The following VPS50 variants were observed in gnomAD, a reference collection of about 807,000 sequenced individuals.
VPS50 encodes the protein VPS50 subunit of EARP/GARPII complex.
VPS50 carries 70 observed loss-of-function variants against 139.7 expected under a neutral mutation model. The ratio of observed to expected loss-of-function variants is 0.50; its 90% CI spans 0.41 to 0.61. VPS50 has a LOEUF of 0.61. Ranked by LOEUF, VPS50 falls within the 20% of genes least tolerant of loss-of-function variation. VPS50 has a pLI of 0.00. For missense variants in VPS50, 921 were observed against 1,133.7 expected, an observed-to-expected ratio of 0.81 and a Z score of 2.69; for synonymous variants, 365 against 376.7, an observed-to-expected ratio of 0.97 and a Z score of 0.36.
At chr7:93,309,719 A>G (rs1490673344) in intron 19 of VPS50, among the ~76,000 whole-genome samples, 1 of 151,956 alleles carries the variant, frequency 6.6e-6, no homozygotes, top group African/African-American at 2.4e-5. Context: ...CTTCAAAACT[A>G]TGATAATTAT....
At chr7:93,297,287 A>T in intron 16 of VPS50, 44 bp downstream of exon 16, 1 of 1,468,502 alleles carries the variant, frequency 6.8e-7, no homozygotes, top group Non-Finnish European at 9.0e-7. Context: ...TTAGGTAATG[A>T]GAATACTTTT....
chr7:93,341,427 G>T lies in VPS50; in HGVS notation c.2059G>T (p.Glu687Ter). 1.3e-6 allele frequency: 2 copies of T among 1,599,056 alleles called. No homozygotes were observed. The highest frequency in any genetic ancestry group is 1.7e-6 in the Non-Finnish European group (2 of 1,174,740). Residue 687 changes from glutamate to a stop codon, truncating the protein, a stop_gained and splice_region_variant, in exon 23 of 28, where the codon GAA (glutamate) becomes TAA (stop). Coordinates refer to ENST00000305866, the MANE Select transcript of VPS50 (RefSeq NM_017667.4). LOFTEE classifies it high-confidence loss of function. ...NRIQESLIDL[E>*]VSADPTATLT... is the part of the protein sequence containing the mutation. ...GGTTGTATATCTATTGTATTTTCAG[G>T]AAGTTTCAGCTGATCCTACTGCCAC...
intron 21 of VPS50, among the ~76,000 whole-genome samples, chr7:93,333,449 A>G (rs1797991194): frequency 6.6e-6 from 1 of 152,172 alleles, no homozygotes; most frequent in Admixed American, 6.5e-5. Flanking sequence ...ACATTTTTCC[A>G]AATGCCTTTA....
chr7:93,256,459 G>A (rs371486997), intron 4 of VPS50, 50 bp from the exon 5 acceptor site: 2 of 846,434 alleles, frequency 2.4e-6, no homozygotes, highest in Non-Finnish European at 3.6e-6. Context: ...ATCATAGAAA[G>A]CATGAAGTTT....
chr7:93,264,445 C>A (rs1005093750), intron 9 of VPS50, among the ~76,000 whole-genome samples: 2 of 152,138 alleles, frequency 1.3e-5, no homozygotes, highest in Admixed American at 6.5e-5. Flanking sequence ...TTTTAAAAGT[C>A]AAAACTGCTT....
At chr7:93,341,131 T>A (rs1048645882) in intron 22 of VPS50, among the ~76,000 whole-genome samples, 1 of 152,218 alleles carries the variant, frequency 6.6e-6, no homozygotes, top group Non-Finnish European at 1.5e-5. Context: ...CATCTCACTG[T>A]TGTCACTGTG....
At chr7:93,290,034 T>C (rs969086582) in intron 12 of VPS50, among the ~76,000 whole-genome samples, 2 of 152,038 alleles carry the variant, frequency 1.3e-5, no homozygotes, top group African/African-American at 2.4e-5. Context: ...AAAAATTCTC[T>C]CTTGTTATTA....
chr7:93,315,157 T>C (rs986649428), intron 20 of VPS50, among the ~76,000 whole-genome samples: 11 of 152,188 alleles, frequency 7.2e-5, no homozygotes, highest in African/African-American at 2.4e-4. Flanking sequence ...ATTTATACTG[T>C]TTTTTATCTG....
intron 19 of VPS50, 116 bp downstream of exon 19, chr7:93,309,058 AC>A (rs1797195109): frequency 2.2e-6 from 1 of 460,438 alleles, no homozygotes; most frequent in African/African-American, 2.0e-5. Context: ...TTATAATGTC[AC>A]CTGACAGAAG....
At chr7:93,353,509 C>T in intron 25 of VPS50, 131 bp from the exon 26 acceptor site, 1 of 958,730 alleles carries the variant, frequency 1.0e-6, no homozygotes, top group Non-Finnish European at 1.6e-6. Flanking sequence ...TTATCTTTGG[C>T]ATTATCTTTT....
At chr7:93,318,155 C>G (rs1797485700) in intron 20 of VPS50, among the ~76,000 whole-genome samples, 2 of 151,718 alleles carry the variant, frequency 1.3e-5, no homozygotes, top group South Asian at 4.1e-4. Flanking sequence ...ATATTATTTA[C>G]ATGAATTTAT....
intron 21 of VPS50, among the ~76,000 whole-genome samples, chr7:93,324,541 AT>A (rs1584470647): frequency 6.6e-6 from 1 of 152,314 alleles, no homozygotes; most frequent in East Asian, 1.9e-4. Flanking sequence ...ATCTATTGAG[AT>A]AATCGTGGTT....
intron 20 of VPS50, among the ~76,000 whole-genome samples, chr7:93,316,765 G>A (rs1356962899): frequency 6.6e-6 from 1 of 152,160 alleles, no homozygotes; most frequent in Non-Finnish European, 1.5e-5. Context: ...GGATGTGGAG[G>A]TCAGGAGAAA....
At chr7:93,280,259 G>C (rs925361085) in intron 12 of VPS50, among the ~76,000 whole-genome samples, 1 of 151,976 alleles carries the variant, frequency 6.6e-6, no homozygotes, top group African/African-American at 2.4e-5. Context: ...TTTATTGGTT[G>C]TCTTTCAGTC....
At chr7:93,326,768 A>C (rs1160336992) in intron 21 of VPS50, among the ~76,000 whole-genome samples, 5 of 152,078 alleles carry the variant, frequency 3.3e-5, no homozygotes, top group Admixed American at 1.3e-4. Flanking sequence ...TATGAATATA[A>C]TACTACTTAT....
At chr7:93,272,881 T>C in intron 11 of VPS50, 148 bp downstream of exon 11, 1 of 513,066 alleles carries the variant, frequency 1.9e-6, no homozygotes, top group Non-Finnish European at 3.4e-6. Flanking sequence ...GATAAAATGG[T>C]TGTTCTTGTA....
In VPS50 at chr7:93,360,634, G is replaced by A. The variant is rs1005438658; in HGVS notation, c.*2198G>A. 12 of 151,894 alleles carry A rather than the reference G, an allele frequency of 7.9e-5. No homozygotes were observed. The highest frequency in any genetic ancestry group is 2.4e-4 in the African/African-American group (10 of 41,390). 9.4% of individuals were successfully genotyped at this position (151,894 alleles called of 1,614,324 possible). On this transcript the variant is annotated 3_prime_UTR_variant, in exon 28 of 28. Coordinates refer to ENST00000305866, the MANE Select transcript of VPS50 (RefSeq NM_017667.4). The stretch of plus-strand genomic sequence containing the variant: ...GCTGAGAATGTAAATGGAATTATAC[G>A]TGTTCCAAAAACTATCATTACCAAA...
intron 23 of VPS50, among the ~76,000 whole-genome samples, chr7:93,346,999 T>G (rs1396097040): frequency 7.1e-6 from 1 of 141,420 alleles, no homozygotes; most frequent in African/African-American, 2.6e-5. Flanking sequence ...CTAAAGAGCT[T>G]CTGCACAGCA....
chr7:93,269,324 A>T (rs1430846811), intron 9 of VPS50, among the ~76,000 whole-genome samples: 3 of 152,008 alleles, frequency 2.0e-5, no homozygotes, highest in Non-Finnish European at 4.4e-5. Context: ...GTATTCCCTT[A>T]ATCTATGTCT....
Sources: allele counts gnomAD v4.1 joint callset (sites outside exome capture counted in the v4.1 genomes callset), GRCh38; gene constraint gnomAD v4.1.1; transcripts MANE v1.5; gene names NCBI Gene and HGNC (gene_info 2026-07-23, HGNC 2026-07-21).